The following CPQ variants were observed in gnomAD, a reference collection of about 807,000 sequenced individuals.
The protein encoded by CPQ is Ser-Met dipeptidase.
CPQ carries 37 observed loss-of-function variants against 45.7 expected under a neutral mutation model. The ratio of observed to expected loss-of-function variants is 0.81; its 90% confidence interval spans 0.62 to 1.07. CPQ has a LOEUF of 1.07. Among genes scored for constraint, CPQ ranks in the 50% least tolerant of loss-of-function variants. The pLI is 0.00. For synonymous variants in CPQ, 186 were observed against 205.8 expected (o/e 0.90, Z 0.82); for missense variants, 537 against 572.9 (o/e 0.94, Z 0.64).
intron 5 of CPQ, among the ~76,000 whole-genome samples, chr8:96,998,116 C>A (rs189146772): frequency 6.6e-6 from 1 of 152,028 alleles, no homozygotes; most frequent in East Asian, 1.9e-4. Context: ...CCATGCTACT[C>A]TCATCATCAT....
At chr8:96,966,224 G>A (rs936535807) in intron 5 of CPQ, among the ~76,000 whole-genome samples, 178 bp downstream of exon 5, 9 of 152,240 alleles carry the variant, frequency 5.9e-5, no homozygotes, top group Middle Eastern at 3.4e-3. Flanking sequence ...TCATGTGTAC[G>A]CCAGACATCT....
rs189825889 is a variant in CPQ, at chr8:96,821,524, T to C, written c.434-13449T>C. 9.2e-5 allele frequency among the ~76,000 whole-genome samples: 14 copies of C among 151,994 alleles called. No homozygotes were observed. The East Asian group carries it at 2.5e-3, about 27-fold the overall frequency. ...TTGCATATAGCTATCCAGTTTTTGA[T>C]AGGGGCTCTTTTAAAACTGATGTCT... On this transcript the variant is annotated intron_variant, in intron 2 of 7. Transcript: ENST00000220763.
In CPQ at chr8:97,061,832, C is replaced by T. The variant is rs139003582; in HGVS notation, c.1054-4177C>T. Among the ~76,000 whole-genome samples the T allele has an allele frequency of 1.7e-4, 26 of 152,180 alleles. No homozygotes were observed. The East Asian group carries it at 5.0e-3, about 29-fold the overall frequency. ...TACTGTTTACCAAGTGCTAGTTATGCCCTAGCCTTTACAATGTACTGTTTT... is the reference window on the plus strand; with the variant it reads ...TACTGTTTACCAAGTGCTAGTTATGTCCTAGCCTTTACAATGTACTGTTTT... On this transcript the variant is annotated intron_variant, in intron 6 of 7. Transcript: ENST00000220763.
chr8:96,882,301 T>G (rs759800405), intron 4 of CPQ, among the ~76,000 whole-genome samples: 6 of 152,138 alleles, frequency 3.9e-5, no homozygotes, highest in Non-Finnish European at 5.9e-5. Flanking sequence ...TGGTTTCAAA[T>G]AGACAAGCCC....
rs1290971456 is a variant in CPQ at position 96,730,857 on chromosome 8, C to CCATACATA, written c.-34-54002_-34-53995dup. ...AGGACCACTGATCTAGATCAATTAA[C>CCATACATA]CATACATACATATATATATATATAT... is the stretch of plus-strand genomic sequence containing the variant. On this transcript the variant is annotated intron_variant, in intron 1 of 7. Transcript: ENST00000220763. Among the ~76,000 whole-genome samples, 8 of 77,804 alleles carry CCATACATA rather than the reference C, an allele frequency of 1.0e-4. 1 individual carries two copies. The highest frequency in any genetic ancestry group is 8.1e-4 in the East Asian group (2 of 2,470). The allele number at this position is 77,804 out of a possible 152,430, so 51.0% of individuals were successfully genotyped here. A position where few individuals can be genotyped will look rare whatever the true frequency, so the allele number is the denominator to read the frequency against.
chr8:96,945,888 GCT>G (rs1813181897), intron 4 of CPQ, among the ~76,000 whole-genome samples: 1 of 152,148 alleles, frequency 6.6e-6, no homozygotes, highest in Non-Finnish European at 1.5e-5. Flanking sequence ...CCCTGTGTTT[GCT>G]CTCTGTTCAA....
chr8:96,671,404 A>G (rs138032960), intron 1 of CPQ, among the ~76,000 whole-genome samples: 104 of 152,330 alleles, frequency 6.8e-4, no homozygotes, highest in Admixed American at 1.9e-3. Context: ...TCCACTGTAA[A>G]TTGTAAAAGC....
chr8:96,930,769 A>G (rs1812963323), intron 4 of CPQ, among the ~76,000 whole-genome samples: 1 of 152,216 alleles, frequency 6.6e-6, no homozygotes, highest in East Asian at 1.9e-4. Context: ...GGACTCCAAG[A>G]TAAGGAAAAA....
chr8:96,967,125 C>G (rs1043477317), intron 5 of CPQ, among the ~76,000 whole-genome samples: 2 of 152,218 alleles, frequency 1.3e-5, no homozygotes, highest in African/African-American at 4.8e-5. Context: ...TTGGCTATCT[C>G]TTCTTTCTGT....
chr8:96,826,865 C>G (rs756909802), intron 2 of CPQ, among the ~76,000 whole-genome samples: 5 of 151,922 alleles, frequency 3.3e-5, no homozygotes, highest in Non-Finnish European at 5.9e-5. Context: ...CACTTATAAG[C>G]GAGAACATGC....
chr8:97,036,786 C>G (rs964191200), intron 6 of CPQ, among the ~76,000 whole-genome samples: 1 of 152,142 alleles, frequency 6.6e-6, no homozygotes, highest in Non-Finnish European at 1.5e-5. Context: ...TTGAGAAAGC[C>G]TCATTACACA....
At chr8:97,117,320 A>C (rs908881075) in intron 7 of CPQ, among the ~76,000 whole-genome samples, 5 of 152,108 alleles carry the variant, frequency 3.3e-5, no homozygotes, top group Admixed American at 6.6e-5. Context: ...CAATTCATTC[A>C]ACAAACATTT....
At chr8:97,096,310 C>G (rs929477023) in intron 7 of CPQ, among the ~76,000 whole-genome samples, 2 of 152,130 alleles carry the variant, frequency 1.3e-5, no homozygotes, top group Non-Finnish European at 2.9e-5. Flanking sequence ...TGTCCTGATA[C>G]TAACCTTATC....
intron 1 of CPQ, among the ~76,000 whole-genome samples, chr8:96,752,427 T>C (rs943721989): frequency 6.6e-6 from 1 of 152,026 alleles, no homozygotes; most frequent in African/African-American, 2.4e-5. Context: ...TTGGCTCTGC[T>C]TGCCTGTTGT....
chr8:96,668,151 T>C (rs943778116), intron 1 of CPQ, among the ~76,000 whole-genome samples: 1 of 152,234 alleles, frequency 6.6e-6, no homozygotes, highest in African/African-American at 2.4e-5. Context: ...TTGAAACAAT[T>C]TGGTTCAGTT....
chr8:96,989,427 G>A (rs963083277), intron 5 of CPQ, among the ~76,000 whole-genome samples: 131 of 133,128 alleles, frequency 9.8e-4, no homozygotes, highest in Middle Eastern at 3.8e-3. Flanking sequence ...GGACAGGAGC[G>A]GAGGGAAGGG....
At chr8:96,691,452 G>A (rs1303924527) in intron 1 of CPQ, among the ~76,000 whole-genome samples, 1 of 152,130 alleles carries the variant, frequency 6.6e-6, no homozygotes, top group African/African-American at 2.4e-5. Context: ...GGACATGGAT[G>A]TATATTTTGG....
At chr8:97,135,764 G>A (rs778809378) in intron 7 of CPQ, among the ~76,000 whole-genome samples, 28 of 152,106 alleles carry the variant, frequency 1.8e-4, no homozygotes, top group Non-Finnish European at 2.6e-4. Context: ...ACAGCTGCTC[G>A]CCTGTGAATG....
chr8:97,059,711 C>A (rs1810515392), intron 6 of CPQ, among the ~76,000 whole-genome samples: 1 of 152,166 alleles, frequency 6.6e-6, no homozygotes. Flanking sequence ...GGCAGAACTG[C>A]AAAACAGGAT....
Sources: gnomAD v4.1 joint callset for allele counts (sites outside exome capture counted in the v4.1 genomes callset) on GRCh38, gnomAD v4.1.1 for gene constraint, MANE v1.5 for transcripts, NCBI Gene and HGNC (gene_info 2026-07-23, HGNC 2026-07-21) for gene names.